SHISA9: variants seen among roughly 807,000 people sequenced by gnomAD.
The protein encoded by SHISA9 is protein shisa-9.
Under a neutral mutation model 38.0 loss-of-function variants are expected in SHISA9, and 13 were observed. The observed-to-expected ratio is 0.34, with a 90% CI of 0.22 to 0.54. SHISA9 has a LOEUF of 0.54. Ranked by LOEUF, SHISA9 falls within the 20% of genes least tolerant of loss-of-function variation. The pLI is 0.91. For synonymous variants in SHISA9, 275 were observed against 242.0 expected, an observed-to-expected ratio of 1.14 and a Z score of -1.27; for missense variants, 538 against 575.8, an observed-to-expected ratio of 0.93 and a Z score of 0.67.
chr16:13,291,258 C>T, the SHISA9 span, among the ~76,000 whole-genome samples: 1 of 152,118 alleles, frequency 6.6e-6, no homozygotes, highest in Non-Finnish European at 1.5e-5. Flanking sequence ...TCACTTCCAC[C>T]ATTTTTTATT....
the SHISA9 span, among the ~76,000 whole-genome samples, chr16:13,386,291 A>T: frequency 6.6e-6 from 1 of 152,230 alleles, no homozygotes; most frequent in Non-Finnish European, 1.5e-5. Flanking sequence ...GATGTTAAAA[A>T]TTAAAAGCTG....
the SHISA9 span, among the ~76,000 whole-genome samples, chr16:13,498,287 A>C: frequency 6.6e-6 from 1 of 152,210 alleles, no homozygotes; most frequent in Non-Finnish European, 1.5e-5. Context: ...AACAAATAGA[A>C]GGAAAGCTTT....
the SHISA9 span, among the ~76,000 whole-genome samples, chr16:13,371,645 T>C: frequency 2.0e-5 from 3 of 152,388 alleles, no homozygotes; most frequent in South Asian, 4.1e-4. Context: ...AGATTAGCGA[T>C]GTCCCTTCAT....
At chr16:13,126,453 A>G (rs1360910717) in intron 2 of SHISA9, among the ~76,000 whole-genome samples, 4 of 147,526 alleles carry the variant, frequency 2.7e-5, no homozygotes, top group Non-Finnish European at 6.0e-5. Flanking sequence ...AGAGGGAAAG[A>G]GAGATTGAGG....
intron 2 of SHISA9, among the ~76,000 whole-genome samples, chr16:13,008,894 C>A (rs201506004): frequency 6.6e-6 from 1 of 151,910 alleles, no homozygotes; most frequent in African/African-American, 2.4e-5. Flanking sequence ...TGATGACTGA[C>A]TGAGTGTAAT....
the SHISA9 span, among the ~76,000 whole-genome samples, chr16:13,354,198 T>C: frequency 6.9e-6 from 1 of 143,936 alleles, no homozygotes; most frequent in South Asian, 2.4e-4. Flanking sequence ...GAGAAGTTAT[T>C]TCCTTCAGGA....
Position 13,235,598 on chromosome 16 carries a change from G to T in SHISA9, c.*189G>T. The T allele has an allele frequency of 4.3e-6, 3 of 700,588 alleles. No individual in the cohort carries two copies. The highest frequency in any genetic ancestry group is 6.8e-6 in the Non-Finnish European group (3 of 442,120). The allele number at this position is 700,588 out of a possible 1,614,324, so 43.4% of individuals were successfully genotyped here. ...TAGGTCATGCCTGTAACGTGTCGGC[G>T]GGCAGCTGAGAAAGACCGAAGCGTG... On this transcript the variant is annotated 3_prime_UTR_variant, in exon 5 of 5. Transcript: ENST00000558583.
At chr16:13,407,338 T>A in the SHISA9 span, among the ~76,000 whole-genome samples, 1 of 152,124 alleles carries the variant, frequency 6.6e-6, no homozygotes, top group Non-Finnish European at 1.5e-5. Context: ...CTGCTTCTTA[T>A]AAGGATGCTT....
chr16:13,045,776 G>A (rs923999922), intron 2 of SHISA9, among the ~76,000 whole-genome samples: 8 of 152,198 alleles, frequency 5.3e-5, no homozygotes, highest in Admixed American at 3.9e-4. Context: ...GTCCCCCAGG[G>A]GGAGTCTGCA....
chr16:13,056,223 T>A (rs1567197124), intron 2 of SHISA9, among the ~76,000 whole-genome samples: 1 of 152,198 alleles, frequency 6.6e-6, no homozygotes, highest in Non-Finnish European at 1.5e-5. Context: ...AGAGGAAGCA[T>A]GCATGCATGA....
intron 2 of SHISA9, among the ~76,000 whole-genome samples, chr16:13,184,865 G>T (rs1377909780): frequency 1.3e-5 from 2 of 152,186 alleles, no homozygotes; most frequent in Non-Finnish European, 2.9e-5. Flanking sequence ...ATTGTGCTCA[G>T]TTTTTGGCAA....
chr16:13,169,519 G>A (rs2050667095), intron 2 of SHISA9, among the ~76,000 whole-genome samples: 2 of 152,144 alleles, frequency 1.3e-5, no homozygotes, highest in South Asian at 4.1e-4. Context: ...CTCTCTTATA[G>A]CCATTTTCAT....
the SHISA9 span, among the ~76,000 whole-genome samples, chr16:13,493,088 A>C: frequency 1.3e-5 from 2 of 152,326 alleles, no homozygotes; most frequent in South Asian, 2.1e-4. Flanking sequence ...GTGGAGGAGA[A>C]GGGAATGTGT....
intron 2 of SHISA9, among the ~76,000 whole-genome samples, chr16:12,920,976 C>A (rs1238760026): frequency 1.3e-5 from 2 of 152,196 alleles, no homozygotes; most frequent in South Asian, 2.1e-4. Context: ...ATTACAAAGA[C>A]TTTACTGCCA....
At chr16:13,549,544 T>C in the SHISA9 span, among the ~76,000 whole-genome samples, 2 of 152,118 alleles carry the variant, frequency 1.3e-5, no homozygotes. Context: ...GTTGCTTTTA[T>C]ATTTAAGAAA....
the SHISA9 span, among the ~76,000 whole-genome samples, chr16:13,469,371 AAGAAAGAAAGAAAGAAAGAAAGAAAG>A: frequency 4.5e-5 from 4 of 88,198 alleles, no homozygotes; most frequent in South Asian, 5.0e-4. Context: ...AAGAAAAAGA[AAGAAAGAAAGAAAGAAAGAAAGAAAG>A]AAAGAAAGAA....
the SHISA9 span, among the ~76,000 whole-genome samples, chr16:13,460,271 T>G: frequency 6.6e-6 from 1 of 152,034 alleles, no homozygotes; most frequent in Non-Finnish European, 1.5e-5. Flanking sequence ...ATGAGGCTGC[T>G]CCATGAACAC....
chr16:13,053,214 C>A (rs1390838276), intron 2 of SHISA9, among the ~76,000 whole-genome samples: 2 of 151,552 alleles, frequency 1.3e-5, no homozygotes, highest in African/African-American at 4.9e-5. Flanking sequence ...CCGCCCACCT[C>A]GGCCTCCCAA....
At chr16:13,445,638 T>C in the SHISA9 span, among the ~76,000 whole-genome samples, 2 of 152,234 alleles carry the variant, frequency 1.3e-5, no homozygotes, top group Non-Finnish European at 2.9e-5. Flanking sequence ...AAATTTGAAA[T>C]TATTTTGTTC....
Sources: gnomAD v4.1 joint callset for allele counts (sites outside exome capture counted in the v4.1 genomes callset) on GRCh38, gnomAD v4.1.1 for gene constraint, MANE v1.5 for transcripts, NCBI Gene and HGNC (gene_info 2026-07-23, HGNC 2026-07-21) for gene names.